PCDH15: variants seen among roughly 807,000 people sequenced by gnomAD.
The protein encoded by PCDH15 is protocadherin-15.
Under a neutral mutation model 178.5 loss-of-function variants are expected in PCDH15, and 129 were observed. The observed-to-expected ratio is 0.72, with a 90% CI of 0.63 to 0.84. PCDH15 has a LOEUF of 0.84. Ranked by LOEUF, PCDH15 falls within the 40% of genes least tolerant of loss-of-function variation. The pLI, the probability that PCDH15 is intolerant of heterozygous loss-of-function variation, is 0.00. For synonymous variants in PCDH15, 800 were observed against 732.0 expected (o/e 1.09, Z -1.50); for missense variants, 2,230 against 2,099.9 (o/e 1.06, Z -1.21).
chr10:53,818,312 T>TATCA (rs1253611335), intron 33 of PCDH15: 2 of 223,206 alleles, frequency 9.0e-6, no homozygotes, highest in Admixed American at 5.7e-5. Context: ...ACTCTATTAT[T>TATCA]ATCAATCAAT....
At chr10:54,626,086 G>C (rs535130511) in intron 2 of PCDH15, among the ~76,000 whole-genome samples, 1 of 152,174 alleles carries the variant, frequency 6.6e-6, no homozygotes, top group Non-Finnish European at 1.5e-5. Context: ...ACTTGAGAGA[G>C]ATGATTTAGG....
chr10:55,340,748 A>T (rs536754224), intron 2 of PCDH15, among the ~76,000 whole-genome samples: 98 of 152,210 alleles, frequency 6.4e-4, no homozygotes, highest in African/African-American at 2.1e-3. Context: ...ATGAAGTATG[A>T]TAATGAATCT....
intron 1 of PCDH15, among the ~76,000 whole-genome samples, chr10:54,772,185 A>G (rs1466106541): frequency 6.6e-6 from 1 of 152,172 alleles, no homozygotes; most frequent in Non-Finnish European, 1.5e-5. Flanking sequence ...ATAATATTAC[A>G]TACATTTAAA....
chr10:55,341,781 ATATATATATATATATATATATATATTT>A, intron 2 of PCDH15, among the ~76,000 whole-genome samples: 1 of 10,084 alleles, frequency 9.9e-5, no homozygotes, highest in Non-Finnish European at 2.2e-4. Context: ...ATATATATAT[ATATATATATATATATATATATATATTT>A]TTTTTTTTTT....
chr10:54,482,147 A>T (rs2136940634), intron 3 of PCDH15, among the ~76,000 whole-genome samples: 1 of 152,020 alleles, frequency 6.6e-6, no homozygotes, highest in African/African-American at 2.4e-5. Context: ...AAAAGATAAC[A>T]ATTGAATATC....
At chr10:54,115,544 C>T (rs1049252368) in intron 15 of PCDH15, among the ~76,000 whole-genome samples, 3 of 152,214 alleles carry the variant, frequency 2.0e-5, no homozygotes, top group African/African-American at 4.8e-5. Context: ...CTGAGGCAAC[C>T]TGCGTCTAAT....
At chr10:53,880,106 C>G (rs189184507) in intron 26 of PCDH15, among the ~76,000 whole-genome samples, 78 of 152,268 alleles carry the variant, frequency 5.1e-4, no homozygotes, top group South Asian at 4.3e-3. Context: ...TCAATATTAA[C>G]TTGTAATTTC....
chr10:55,300,809 G>A lies in PCDH15; in HGVS notation c.-156+18790C>T, dbSNP rs572502825. Among the ~76,000 whole-genome samples, 120 of 152,246 alleles carry A rather than the reference G, an allele frequency of 7.9e-4. 3 individuals carry two copies. In the South Asian group the frequency reaches 0.017, roughly 22 times the overall value. ...AAATGTCAATTTAAAAAATAATGCAGACAGATCTTATCTGCCCTTTACCCA... is the reference window on the plus strand; with the variant it reads ...AAATGTCAATTTAAAAAATAATGCAAACAGATCTTATCTGCCCTTTACCCA... On this transcript the variant is annotated intron_variant, in intron 1 of 5. Coordinates refer to the PCDH15 transcript ENST00000458638.
At chr10:53,924,555 G>T (rs1389633605) in intron 25 of PCDH15, among the ~76,000 whole-genome samples, 1 of 152,246 alleles carries the variant, frequency 6.6e-6, no homozygotes, top group Admixed American at 6.5e-5. Flanking sequence ...CAAGGGCTGA[G>T]GAGTGCGGGT....
intron 2 of PCDH15, among the ~76,000 whole-genome samples, chr10:54,555,556 C>A (rs2087111622): frequency 1.4e-5 from 2 of 142,682 alleles, no homozygotes; most frequent in Middle Eastern, 3.7e-3. Context: ...ACGGTGAAAC[C>A]CCCTCTCTAC....
intron 2 of PCDH15, chr10:55,506,169 G>A (rs559938152): frequency 2.6e-5 from 4 of 151,550 alleles, no homozygotes; most frequent in African/African-American, 9.7e-5. Context: ...ATAATCTAAT[G>A]TGTCCCTCCA....
At chr10:55,511,056 T>TTG (rs1840873682) in intron 2 of PCDH15, among the ~76,000 whole-genome samples, 1 of 151,162 alleles carries the variant, frequency 6.6e-6, no homozygotes, top group Admixed American at 6.6e-5. Flanking sequence ...TGTTTGTTTT[T>TTG]TTTTTTAGAG....
At chr10:54,060,348 G>A (rs1431760550) in intron 18 of PCDH15, among the ~76,000 whole-genome samples, 1 of 152,106 alleles carries the variant, frequency 6.6e-6, no homozygotes, top group African/African-American at 2.4e-5. Flanking sequence ...TTAGGCAAAT[G>A]CAAGAGTGCA....
intron 27 of PCDH15, 57 bp from the exon 28 acceptor site, chr10:53,857,320 C>A: frequency 1.5e-6 from 2 of 1,329,726 alleles, no homozygotes; most frequent in South Asian, 2.4e-5. Context: ...TTTCCATAAT[C>A]AGAAAACCCC....
intron 1 of PCDH15, among the ~76,000 whole-genome samples, chr10:55,192,634 C>G (rs1839973445): frequency 6.6e-6 from 1 of 151,558 alleles, no homozygotes; most frequent in South Asian, 2.1e-4. Context: ...ATTTCCTGAC[C>G]TACATATTAA....
intron 2 of PCDH15, among the ~76,000 whole-genome samples, chr10:55,025,206 A>T (rs867982209): frequency 1.1e-4 from 16 of 152,306 alleles, no homozygotes; most frequent in Middle Eastern, 3.4e-3. Flanking sequence ...GCAACAAAGA[A>T]AGAGAGATTG....
intron 6 of PCDH15, among the ~76,000 whole-genome samples, chr10:54,343,470 C>T (rs1021705603): frequency 6.6e-6 from 1 of 152,022 alleles, no homozygotes; most frequent in Admixed American, 6.6e-5. Context: ...TTATAAATTA[C>T]CCAGTCTTAG....
At chr10:55,052,409 A>C (rs2131989132) in intron 2 of PCDH15, among the ~76,000 whole-genome samples, 1 of 151,606 alleles carries the variant, frequency 6.6e-6, no homozygotes, top group African/African-American at 2.4e-5. Context: ...GGATTTTAAA[A>C]GTATATGAGG....
intron 21 of PCDH15, among the ~76,000 whole-genome samples, chr10:53,988,203 C>A (rs1444654766): frequency 6.6e-6 from 1 of 152,100 alleles, no homozygotes. Flanking sequence ...TGAAGGCAAC[C>A]TTAGCCTCAC....
Sources: gnomAD v4.1 joint callset for allele counts (sites outside exome capture counted in the v4.1 genomes callset) on GRCh38, gnomAD v4.1.1 for gene constraint, MANE v1.5 for transcripts, NCBI Gene and HGNC (gene_info 2026-07-23, HGNC 2026-07-21) for gene names.